RSPO2: variants seen among roughly 807,000 people sequenced by gnomAD.
RSPO2 encodes R-spondin 2, also known as R-spondin-2.
In RSPO2, 14 loss-of-function variants were observed where a neutral mutation model predicts 30.9. The observed-to-expected ratio is 0.45, with a 90% CI of 0.30 to 0.71. The LOEUF is 0.71. Among genes scored for constraint, RSPO2 ranks in the 30% least tolerant of loss-of-function variants. The probability of loss-of-function intolerance (pLI) is 0.08; values close to 1 mark genes in which losing one functional copy is unlikely to be tolerated. For synonymous variants in RSPO2, 107 were observed against 96.4 expected (o/e 1.11, Z -0.64); for missense variants, 264 against 301.9 (o/e 0.87, Z 0.93).
chr8:108,045,883 T>C (rs892687473), intron 2 of RSPO2, among the ~76,000 whole-genome samples: 2 of 152,192 alleles, frequency 1.3e-5, no homozygotes, highest in African/African-American at 4.8e-5. Flanking sequence ...ACCTATATGG[T>C]TGGAATTAAA....
intron 2 of RSPO2, among the ~76,000 whole-genome samples, chr8:108,011,147 AAAAAG>A (rs1221279186): frequency 6.7e-6 from 1 of 149,542 alleles, no homozygotes; most frequent in South Asian, 2.1e-4. Flanking sequence ...AAAAAAAAAA[AAAAAG>A]AAAGAAAGAA....
chr8:108,082,453 A>G (rs1316996758), intron 2 of RSPO2, 92 bp downstream of exon 2: 25 of 937,814 alleles, frequency 2.7e-5, no homozygotes, highest in Non-Finnish European at 4.3e-5. Flanking sequence ...CACAGCCCTG[A>G]CCATCTGAGC....
At chr8:107,957,627 GTTTAT>G (rs1397904691) in intron 5 of RSPO2, among the ~76,000 whole-genome samples, 5 of 152,186 alleles carry the variant, frequency 3.3e-5, no homozygotes, top group Non-Finnish European at 5.9e-5. Context: ...GTTTGGGCAA[GTTTAT>G]TTTAAGTTGT....
intron 5 of RSPO2, among the ~76,000 whole-genome samples, chr8:107,939,069 G>A (rs1357532666): frequency 1.3e-5 from 2 of 152,082 alleles, no homozygotes; most frequent in South Asian, 4.1e-4. Context: ...CAAAAGATGA[G>A]GAAAGGGATT....
intron 3 of RSPO2, among the ~76,000 whole-genome samples, chr8:107,977,608 T>C (rs993804497): frequency 1.3e-5 from 2 of 152,176 alleles, no homozygotes; most frequent in Admixed American, 6.5e-5. Context: ...GGAGTGGGTC[T>C]GAGAGAGACA....
At chr8:108,076,646 T>C (rs565087103) in intron 2 of RSPO2, among the ~76,000 whole-genome samples, 15 of 151,810 alleles carry the variant, frequency 9.9e-5, no homozygotes, top group Admixed American at 5.2e-4. Context: ...AGGAACACAT[T>C]TGGGAGGGGG....
intron 2 of RSPO2, among the ~76,000 whole-genome samples, chr8:108,025,514 G>C (rs1041464318): frequency 6.6e-6 from 1 of 152,056 alleles, no homozygotes; most frequent in Non-Finnish European, 1.5e-5. Context: ...CAAGGACAAG[G>C]AAAAGGTCTT....
intron 2 of RSPO2, among the ~76,000 whole-genome samples, chr8:108,051,529 T>C (rs1302448443): frequency 1.3e-5 from 2 of 152,146 alleles, no homozygotes; most frequent in East Asian, 3.9e-4. Flanking sequence ...GCAATAAAAA[T>C]AGCAATGCGT....
intron 2 of RSPO2, among the ~76,000 whole-genome samples, chr8:108,079,795 C>A (rs1180152483): frequency 6.6e-6 from 1 of 151,306 alleles, no homozygotes; most frequent in African/African-American, 2.4e-5. Context: ...AATAACTAAT[C>A]TTCCAAACTA....
intron 5 of RSPO2, among the ~76,000 whole-genome samples, chr8:107,923,351 T>A (rs887584233): frequency 3.9e-5 from 6 of 151,904 alleles, no homozygotes; most frequent in Non-Finnish European, 8.8e-5. Flanking sequence ...CAAATGCAAA[T>A]CAAAACCACA....
intron 2 of RSPO2, among the ~76,000 whole-genome samples, chr8:108,009,121 C>T (rs1480007602): frequency 6.6e-6 from 1 of 152,002 alleles, no homozygotes; most frequent in Non-Finnish European, 1.5e-5. Flanking sequence ...GGTAAGCATT[C>T]AGGAAATTAA....
intron 5 of RSPO2, among the ~76,000 whole-genome samples, chr8:107,922,620 CTG>C (rs1288896184): frequency 1.3e-5 from 2 of 151,938 alleles, no homozygotes; most frequent in African/African-American, 4.8e-5. Flanking sequence ...AAACCAAAAA[CTG>C]AGCCCAAGTA....
At position 107,954,172 on chromosome 8, in the gene RSPO2, A is replaced by G. The variant is rs527682489; in HGVS notation, c.616+3908T>C. On this transcript the variant is annotated intron_variant, in intron 5 of 5. Transcript: ENST00000276659. Reference sequence around the variant, plus strand: ...ATAGGACAGAATATTTCAGATTGAGATCATGATGTTGGTCAATCCTCCTGT... The same window carrying G: ...ATAGGACAGAATATTTCAGATTGAGGTCATGATGTTGGTCAATCCTCCTGT... Among the ~76,000 whole-genome samples, 8 of 152,342 alleles carry G rather than the reference A, an allele frequency of 5.3e-5. No homozygotes were observed. The South Asian group carries it at 1.7e-3, about 32-fold the overall frequency.
Position 107,901,007 on chromosome 8 carries a change from G to A in RSPO2, c.*68C>T, listed in dbSNP as rs1239670431. On this transcript the variant is annotated 3_prime_UTR_variant, in exon 6 of 6. Coordinates refer to ENST00000276659, the MANE Select transcript of RSPO2 (RefSeq NM_178565.5). The stretch of plus-strand genomic sequence containing the variant: ...ACAAAGGCTGCACACCAGTGTGCAG[G>A]AGTGGAGAGTAGCTTTGTGCACATT... The A allele has an allele frequency of 6.5e-7, 1 of 1,540,962 alleles. No individual in the cohort carries two copies. Among genetic ancestry groups the A allele is most frequent in the East Asian group, 2.2e-5 (1 of 44,500 alleles).
At chr8:108,054,022 G>T (rs895420733) in intron 2 of RSPO2, among the ~76,000 whole-genome samples, 1 of 151,986 alleles carries the variant, frequency 6.6e-6, no homozygotes, top group Non-Finnish European at 1.5e-5. Context: ...GCACTCTCTC[G>T]AGTTGTTTTT....
At chr8:107,955,929 G>T (rs1194553181) in intron 5 of RSPO2, among the ~76,000 whole-genome samples, 2 of 152,262 alleles carry the variant, frequency 1.3e-5, no homozygotes, top group East Asian at 3.9e-4. Context: ...TTTTTGCATG[G>T]TTTGTCAAAG....
Position 107,958,271 on chromosome 8 carries a change from A to T in RSPO2, c.428-3T>A. 1 of 1,603,942 alleles carries T rather than the reference A, an allele frequency of 6.2e-7. No homozygotes were observed. Among genetic ancestry groups the T allele is most frequent in the Non-Finnish European group, 8.5e-7 (1 of 1,175,382 alleles). On this transcript the variant is annotated splice_region_variant and splice_polypyrimidine_tract_variant and intron_variant, in intron 4 of 5. Coordinates refer to ENST00000276659, the MANE Select transcript of RSPO2 (RefSeq NM_178565.5). ...CCAATGACCAACTTCACATCCTTCT[A>T]GTAAAGATTTTTAGAAAAAGAAAAA...
chr8:108,002,092 G>C lies in RSPO2; in HGVS notation c.95-12848C>G, dbSNP rs577951151. Among the ~76,000 whole-genome samples the C allele has an allele frequency of 1.3e-3, 192 of 152,274 alleles. 1 individual carries two copies. Among genetic ancestry groups the C allele is most frequent in the African/African-American group, 4.4e-3 (184 of 41,558 alleles). On this transcript the variant is annotated intron_variant, in intron 2 of 5. Coordinates refer to ENST00000276659, the MANE Select transcript of RSPO2 (RefSeq NM_178565.5). ...CATGCGTGCTATCCTATAAGCCTTA[G>C]CTTGAAACTGCTGTGTTGTACAGAT... is the stretch of plus-strand genomic sequence containing the variant.
At chr8:107,995,289 C>G (rs1042044274) in intron 2 of RSPO2, among the ~76,000 whole-genome samples, 2 of 152,186 alleles carry the variant, frequency 1.3e-5, no homozygotes, top group African/African-American at 4.8e-5. Flanking sequence ...GGGGGCAGAG[C>G]TAGGGAACCA....
Sources: allele counts gnomAD v4.1 joint callset (sites outside exome capture counted in the v4.1 genomes callset), GRCh38; gene constraint gnomAD v4.1.1; transcripts MANE v1.5; gene names NCBI Gene and HGNC (gene_info 2026-07-23, HGNC 2026-07-21).